MYO9B: variants seen among roughly 807,000 people sequenced by gnomAD.
MYO9B encodes unconventional myosin-IXb.
A neutral mutation model predicts 229.5 loss-of-function variants in MYO9B; 71 were observed. That is an observed-to-expected ratio of 0.31 (90% CI 0.26 to 0.38). The LOEUF is 0.38. Ranked by LOEUF, MYO9B falls within the 10% of genes least tolerant of loss-of-function variation. The pLI is 1.00. For missense variants in MYO9B, 2,255 were observed against 2,920.5 expected, an observed-to-expected ratio of 0.77 and a Z score of 5.25; for synonymous variants, 1,185 against 1,235.8, an observed-to-expected ratio of 0.96 and a Z score of 0.86.
At position 17,206,331 on chromosome 19, in the gene MYO9B, C is replaced by T. The variant is rs1400404279; in HGVS notation, c.5341C>T (p.Pro1781Ser). The change falls in exon 33 of 40, where the codon CCC (proline) becomes TCC (serine). Residue 1781 changes from proline to serine, a missense_variant. Physicochemically the swap from Pro to Ser is moderately conservative, Grantham distance 74. Transcript: ENST00000682292. ...LKQWLRELPE[P>S]LMTFAQYGDF... is the part of the protein sequence containing the mutation. Reference sequence around the variant, plus strand: ...GCAGTGGCTGCGGGAGCTGCCCGAGCCCCTCATGACCTTCGCACAGTACGG... The same window carrying T: ...GCAGTGGCTGCGGGAGCTGCCCGAGTCCCTCATGACCTTCGCACAGTACGG... The T allele has an allele frequency of 6.2e-7, 1 of 1,610,266 alleles. No individual in the cohort carries two copies. Among genetic ancestry groups the T allele is most frequent in the South Asian group, 1.1e-5 (1 of 90,784 alleles).
Position 17,101,945 on chromosome 19 carries a change from G to T in MYO9B, c.228G>T (p.Trp76Cys). ...VEVKESGGEE[W>C]VLDANDSPVH... ...TCAAAGAGTCGGGAGGCGAGGAATG[G>T]GTGCTGGACGCCAACGACTCGCCTG... is the stretch of plus-strand genomic sequence containing the variant. Residue 76 changes from tryptophan (W) to cysteine (C), a missense_variant, in exon 2 of 40, where the codon TGG becomes TGT. By Grantham distance (215) the Trp-to-Cys change is radical. This residue lies in a region of MYO9B where 386 missense variants were observed against 515.2 expected (regional missense o/e 0.75). Coordinates refer to ENST00000682292, the MANE Select transcript of MYO9B (RefSeq NM_004145.4). The surrounding 1 kb of genome is among the most constrained non-coding windows in gnomAD (Gnocchi z 4.7). 1.2e-6 allele frequency: 2 copies of T among 1,613,540 alleles called. No homozygotes were observed. Among genetic ancestry groups the T allele is most frequent in the Non-Finnish European group, 1.7e-6 (2 of 1,179,840 alleles).
intron 10 of MYO9B, among the ~76,000 whole-genome samples, chr19:17,164,130 T>C (rs1464279094): frequency 6.6e-6 from 1 of 152,012 alleles, no homozygotes; most frequent in Non-Finnish European, 1.5e-5. Flanking sequence ...AAAGGGAAAA[T>C]AGCATGAGCT....
At position 17,211,755 on chromosome 19, in the gene MYO9B, CGGGCGGG is replaced by C; in HGVS notation, c.6044_6050del (p.Arg2015ProfsTer36). On this transcript the variant is annotated frameshift_variant, in exon 39 of 40. Transcript: ENST00000682292. LOFTEE classifies it low-confidence loss of function (END_TRUNC). The stretch of plus-strand genomic sequence containing the variant: ...CCGAGAGCCTGCTGGAGGAGCGGGC[CGGGCGGG>C]GGGCCTCGGAAGGTCAGTATTAAGG... 1 of 1,613,056 alleles carries C rather than the reference CGGGCGGG, an allele frequency of 6.2e-7. No homozygotes were observed. Among genetic ancestry groups the C allele is most frequent in the South Asian group, 1.1e-5 (1 of 91,040 alleles).
chr19:17,172,765 C>T lies in MYO9B; in HGVS notation c.1942C>T (p.Arg648Trp), dbSNP rs1427787160. 2 of 1,613,394 alleles carry T rather than the reference C, an allele frequency of 1.2e-6. No individual in the cohort carries two copies. The highest frequency in any genetic ancestry group is 1.7e-6 in the Non-Finnish European group (2 of 1,179,776). ...CACATCCATCCCCCACCAGGACTTC[C>T]GGGAGAAGAACATGGACTACATGCG... ...GKVKYQIKDF[R>W]EKNMDYMRPD... Residue 648 changes from arginine to tryptophan, a missense_variant, in exon 13 of 40, where the codon CGG becomes TGG. By Grantham distance (101) the Arg-to-Trp change is moderately radical. Transcript: ENST00000682292. This position sits in a 1 kb window ranked among gnomAD's most constrained non-coding sequence, Gnocchi z 8.2.
intron 15 of MYO9B, among the ~76,000 whole-genome samples, chr19:17,183,229 G>C (rs959755326): frequency 6.6e-6 from 1 of 152,118 alleles, no homozygotes; most frequent in Admixed American, 6.6e-5. Flanking sequence ...GCCAGCTTTG[G>C]TTTTCTTCTT....
At chr19:17,207,353 C>G (rs114684913) in intron 35 of MYO9B, 109 bp downstream of exon 35, 1 of 1,419,084 alleles carries the variant, frequency 7.0e-7, no homozygotes, top group East Asian at 2.5e-5. Context: ...AGTCCAGAGC[C>G]GAGTGCAGCG....
At position 17,172,733 on chromosome 19, in the gene MYO9B, G is replaced by A. The variant is rs2072738600; in HGVS notation, c.1936-26G>A. On this transcript the variant is annotated intron_variant, in intron 12 of 39. Transcript: ENST00000682292. The surrounding 1 kb of genome is among the most constrained non-coding windows in gnomAD (Gnocchi z 8.2). ...CGCCGGTGAGTGACTATCCCCGAGT[G>A]ACCGCCCACATCCATCCCCCACCAG... The A allele has an allele frequency of 1.2e-6, 2 of 1,610,924 alleles. No homozygotes were observed. The highest frequency in any genetic ancestry group is 1.7e-6 in the Non-Finnish European group (2 of 1,177,884).
intron 15 of MYO9B, among the ~76,000 whole-genome samples, chr19:17,182,027 T>C (rs1391250033): frequency 1.3e-5 from 2 of 152,038 alleles, no homozygotes; most frequent in African/African-American, 2.4e-5. Flanking sequence ...TCCGTCTGTC[T>C]TGGCCTCCCA....
intron 1 of MYO9B, among the ~76,000 whole-genome samples, chr19:17,100,725 T>C (rs1250084265): frequency 3.9e-5 from 6 of 152,164 alleles, no homozygotes; most frequent in Non-Finnish European, 7.3e-5. Context: ...GCCCCCAGCC[T>C]GGGCCTGCCT....
chr19:17,113,385 C>T (rs957505172), intron 2 of MYO9B, among the ~76,000 whole-genome samples: 1 of 152,280 alleles, frequency 6.6e-6, no homozygotes, highest in East Asian at 1.9e-4. Flanking sequence ...CTCGGGTAGG[C>T]GCACTGCTGT....
At position 17,102,171 on chromosome 19, in the gene MYO9B, T is replaced by C. The variant is rs770902124; in HGVS notation, c.454T>C (p.Cys152Arg). ...GCAGCAGGCGGACTTTGATGACCTG[T>C]GTAACCTCCCCGAGCTAACCGAGGG... is the stretch of plus-strand genomic sequence containing the variant. Reference protein sequence around the residue: ...PRQQADFDDLCNLPELTEGNL... With the variant: ...PRQQADFDDLRNLPELTEGNL... The change falls in exon 2 of 40, where the codon TGT becomes CGT. Residue 152 changes from cysteine to arginine, a missense_variant. This residue lies in a region of MYO9B where 386 missense variants were observed against 515.2 expected (regional missense o/e 0.75). Transcript: ENST00000682292. The C allele has an allele frequency of 6.2e-7, 1 of 1,613,852 alleles. No individual in the cohort carries two copies. The highest frequency in any genetic ancestry group is 8.5e-7 in the Non-Finnish European group (1 of 1,179,882).
Position 17,193,159 on chromosome 19 carries a change from C to G in MYO9B, c.3128+97C>G. On this transcript the variant is annotated intron_variant, in intron 21 of 39. Coordinates refer to ENST00000682292, the MANE Select transcript of MYO9B (RefSeq NM_004145.4). The surrounding 1 kb of genome is among the most constrained non-coding windows in gnomAD (Gnocchi z 4.3). ...GTGATATACCATCTGGCCTGTGGCA[C>G]TAAGGGGATGTCATTCTGGACACAG... is the stretch of plus-strand genomic sequence containing the variant. 7.8e-7 allele frequency: 1 copy of G among 1,282,558 alleles called. No homozygotes were observed. The highest frequency in any genetic ancestry group is 1.0e-6 in the Non-Finnish European group (1 of 974,586). The allele number at this position is 1,282,558 out of a possible 1,614,324, so 79.4% of individuals were successfully genotyped here.
intron 34 of MYO9B, 21 bp downstream of exon 34, chr19:17,206,805 C>T: frequency 6.5e-7 from 1 of 1,529,576 alleles, no homozygotes. Flanking sequence ...CCCCACCTGC[C>T]CTCTGTGGGG....
At chr19:17,112,792 G>T (rs1404888699) in intron 2 of MYO9B, among the ~76,000 whole-genome samples, 2 of 152,240 alleles carry the variant, frequency 1.3e-5, no homozygotes, top group Non-Finnish European at 2.9e-5. Flanking sequence ...GTCAGAGAGG[G>T]GTCAGGGACA....
intron 2 of MYO9B, among the ~76,000 whole-genome samples, chr19:17,115,042 G>A (rs1417630996): frequency 6.6e-6 from 1 of 151,058 alleles, no homozygotes; most frequent in Non-Finnish European, 1.5e-5. Context: ...AAGCTGAGGT[G>A]CAGTGGTCCA....
In MYO9B at chr19:17,153,977, G is replaced by A. The variant is rs1276658709; in HGVS notation, c.1009G>A (p.Val337Met). The A allele has an allele frequency of 6.2e-7, 1 of 1,613,680 alleles. No homozygotes were observed. The highest frequency in any genetic ancestry group is 8.5e-7 in the Non-Finnish European group (1 of 1,179,680). Residue 337 changes from valine (V) to methionine (M), a missense_variant, in exon 5 of 40, where the codon GTG becomes ATG. Coordinates refer to ENST00000682292, the MANE Select transcript of MYO9B (RefSeq NM_004145.4). ...SQEKDERNYH[V>M]FYYLLLGVSE... ...AATTTTGACCTGTAGGAACTACCATGTGTTTTATTATTTGTTACTTGGGGT... is the reference window on the plus strand; with the variant it reads ...AATTTTGACCTGTAGGAACTACCATATGTTTTATTATTTGTTACTTGGGGT...
chr19:17,081,336 A>G (rs906445527), intron 1 of MYO9B, among the ~76,000 whole-genome samples: 2 of 152,052 alleles, frequency 1.3e-5, no homozygotes, highest in African/African-American at 2.4e-5. Context: ...CTCAACTTAC[A>G]TTTTTAGATA....
At position 17,161,246 on chromosome 19, in the gene MYO9B, A is replaced by C. The variant is rs1440298960; in HGVS notation, c.1420-1104A>C. Among the ~76,000 whole-genome samples, 3 of 150,872 alleles carry C rather than the reference A, an allele frequency of 2.0e-5. No homozygotes were observed. In the East Asian group the frequency reaches 5.9e-4, roughly 29 times the overall value. On this transcript the variant is annotated intron_variant, in intron 8 of 39. Transcript: ENST00000682292. Reference sequence around the variant, plus strand: ...GAGCCCAGGTTCCTCACTCAGCAGCAATTTTGGTTGCTCTGAGGAGCGTAT... The same window carrying C: ...GAGCCCAGGTTCCTCACTCAGCAGCCATTTTGGTTGCTCTGAGGAGCGTAT...
In MYO9B at chr19:17,197,840, G is replaced by T. The variant is rs763530463; in HGVS notation, c.4095G>T (p.Pro1365=). 2 of 1,613,380 alleles carry T rather than the reference G, an allele frequency of 1.2e-6. No individual in the cohort carries two copies. Among genetic ancestry groups the T allele is most frequent in the Non-Finnish European group, 1.7e-6 (2 of 1,179,856 alleles). ...CGAGCGACGTCTCCAAGCTCCTCCC[G>T]TCCCTGGCCAAGGCTCAGGTAACAA... is the stretch of plus-strand genomic sequence containing the variant. The part of the protein sequence containing the change: ...FSTSDVSKLL[P]SLAKAQPAAE... The change falls in exon 23 of 40, where the codon CCG becomes CCT. Residue 1365 remains proline (P), a synonymous_variant. Coordinates refer to ENST00000682292, the MANE Select transcript of MYO9B (RefSeq NM_004145.4).
Sources: gnomAD v4.1 joint callset for allele counts (sites outside exome capture counted in the v4.1 genomes callset) on GRCh38, gnomAD v4.1.1 for gene constraint, gnomAD v4.1.1 regional missense constraint, Gnocchi (gnomAD v3.1) non-coding constraint, MANE v1.5 for transcripts, NCBI Gene and HGNC (gene_info 2026-07-23, HGNC 2026-07-21) for gene names.